DPY19L2: variants seen among roughly 807,000 people sequenced by gnomAD.
The protein encoded by DPY19L2 is dpy-19 like 2, also known as probable C-mannosyltransferase DPY19L2.
Under a neutral mutation model 97.9 loss-of-function variants are expected in DPY19L2, and 34 were observed. That is an observed-to-expected ratio of 0.35 (90% CI 0.26 to 0.46). The LOEUF is 0.46. DPY19L2 is among the 20% of genes least tolerant of loss of function. The probability of loss-of-function intolerance (pLI) is 1.00; values close to 1 mark genes in which losing one functional copy is unlikely to be tolerated. For missense variants in DPY19L2, 623 were observed against 911.4 expected (o/e 0.68, Z 4.07); for synonymous variants, 230 against 307.9 (o/e 0.75, Z 2.65).
At chr12:63,653,049 G>A (rs1187715539) in intron 4 of DPY19L2, among the ~76,000 whole-genome samples, 19 of 151,852 alleles carry the variant, frequency 1.3e-4, no homozygotes, top group Admixed American at 1.2e-3. Flanking sequence ...TGGCGCAAGA[G>A]GAGAATGGCA....
intron 6 of DPY19L2, among the ~76,000 whole-genome samples, chr12:63,631,926 A>C (rs940345809): frequency 6.6e-6 from 1 of 152,154 alleles, no homozygotes; most frequent in African/African-American, 2.4e-5. Context: ...AAATCAATAA[A>C]CATAATCCAG....
intron 18 of DPY19L2, among the ~76,000 whole-genome samples, 167 bp from the exon 19 acceptor site, chr12:63,581,003 T>C (rs1446409372): frequency 6.6e-6 from 1 of 152,192 alleles, no homozygotes; most frequent in Non-Finnish European, 1.5e-5. Context: ...ACGAATATAT[T>C]GGCATTACAG....
chr12:63,564,964 C>A (rs1176137784), intron 21 of DPY19L2, among the ~76,000 whole-genome samples: 1 of 152,156 alleles, frequency 6.6e-6, no homozygotes, highest in Non-Finnish European at 1.5e-5. Flanking sequence ...ATCCCTTCTT[C>A]ATTTAAAAAT....
At chr12:63,634,783 G>A (rs1891367325) in intron 6 of DPY19L2, among the ~76,000 whole-genome samples, 1 of 152,146 alleles carries the variant, frequency 6.6e-6, no homozygotes, top group Non-Finnish European at 1.5e-5. Context: ...AAGCAGCCAG[G>A]AAGCTCGAAC....
In DPY19L2 at chr12:63,570,809, G is replaced by A; in HGVS notation, c.1949C>T (p.Ser650Phe). Residue 650 changes from serine (S) to phenylalanine (F), a missense_variant, in exon 20 of 22, where the codon TCT becomes TTT. Coordinates refer to ENST00000324472, the MANE Select transcript of DPY19L2 (RefSeq NM_173812.5). ...AMPTMASIKL[S>F]TLHPIVNHPH... ...ATGATTCACAATGGGATGAAGTGTA[G>A]ACAGCTTGATGCTTGCCATTGTAGG... The A allele has an allele frequency of 6.2e-7, 1 of 1,611,696 alleles. No homozygotes were observed.
At chr12:63,564,978 T>C (rs1877372576) in intron 21 of DPY19L2, among the ~76,000 whole-genome samples, 1 of 152,194 alleles carries the variant, frequency 6.6e-6, no homozygotes, top group African/African-American at 2.4e-5. Flanking sequence ...TAAAAATCCT[T>C]GTTTAACCTT....
At chr12:63,597,030 TG>T (rs1436445426) in intron 14 of DPY19L2, among the ~76,000 whole-genome samples, 8 of 152,128 alleles carry the variant, frequency 5.3e-5, no homozygotes, top group Non-Finnish European at 1.2e-4. Context: ...TGGAGTGCAT[TG>T]GTGCGATCTC....
intron 4 of DPY19L2, among the ~76,000 whole-genome samples, 154 bp from the exon 5 acceptor site, chr12:63,647,519 T>C (rs1893585313): frequency 1.3e-5 from 2 of 152,078 alleles, no homozygotes; most frequent in Non-Finnish European, 2.9e-5. Flanking sequence ...GAAACCATCA[T>C]TCTTGGCAAA....
chr12:63,642,643 C>T lies in DPY19L2; in HGVS notation c.803+1760G>A, dbSNP rs558848238. Reference sequence around the variant, plus strand: ...TGTACATTTCTGCTTCTGGGCTCTACTCTATTGCAGTTATCTATTTGTCTA... The same window carrying T: ...TGTACATTTCTGCTTCTGGGCTCTATTCTATTGCAGTTATCTATTTGTCTA... On this transcript the variant is annotated intron_variant, in intron 6 of 21. Transcript: ENST00000324472. 9.9e-5 allele frequency among the ~76,000 whole-genome samples: 15 copies of T among 152,202 alleles called. No individual in the cohort carries two copies. The East Asian group carries it at 1.9e-3, about 20-fold the overall frequency.
chr12:63,640,924 G>A (rs1358783710), intron 6 of DPY19L2, among the ~76,000 whole-genome samples: 2 of 151,796 alleles, frequency 1.3e-5, no homozygotes, highest in Non-Finnish European at 2.9e-5. Context: ...ACTGAGTCTC[G>A]CTTTGTCGCC....
chr12:63,598,195 G>C (rs1225437414), intron 13 of DPY19L2, among the ~76,000 whole-genome samples: 1 of 151,968 alleles, frequency 6.6e-6, no homozygotes, highest in East Asian at 1.9e-4. Context: ...ATCAATATCT[G>C]CTGAGAATAA....
intron 21 of DPY19L2, among the ~76,000 whole-genome samples, chr12:63,561,062 C>T (rs1010608998): frequency 8.6e-5 from 13 of 152,028 alleles, no homozygotes; most frequent in African/African-American, 2.7e-4. Context: ...CATTTTTTAG[C>T]GTAAACTGCC....
At chr12:63,618,001 T>C (rs1888112483) in intron 10 of DPY19L2, 150 bp downstream of exon 10, 4 of 582,212 alleles carry the variant, frequency 6.9e-6, no homozygotes, top group Admixed American at 3.2e-5. Context: ...ATCTATAATA[T>C]ACATTTCCAG....
chr12:63,640,348 A>G (rs1892500205), intron 6 of DPY19L2, among the ~76,000 whole-genome samples: 1 of 152,184 alleles, frequency 6.6e-6, no homozygotes, highest in Non-Finnish European at 1.5e-5. Flanking sequence ...CTTAAAGTAT[A>G]ATAATAATAA....
chr12:63,634,337 A>G (rs1386394703), intron 6 of DPY19L2, among the ~76,000 whole-genome samples: 1 of 151,914 alleles, frequency 6.6e-6, no homozygotes, highest in Non-Finnish European at 1.5e-5. Flanking sequence ...AGGTTCCAAG[A>G]TGGCTGAATA....
chr12:63,617,696 A>AGTTT, intron 10 of DPY19L2, among the ~76,000 whole-genome samples: 2 of 152,106 alleles, frequency 1.3e-5, no homozygotes, highest in South Asian at 4.1e-4. Flanking sequence ...TATAAATACC[A>AGTTT]GTTTTACTAA....
intron 17 of DPY19L2, among the ~76,000 whole-genome samples, chr12:63,582,925 CT>C (rs1382021159): frequency 6.6e-6 from 1 of 152,012 alleles, no homozygotes. Context: ...GTGGGCCTCA[CT>C]GTAAAGTGAC....
At chr12:63,636,942 A>C (rs1891821705) in intron 6 of DPY19L2, among the ~76,000 whole-genome samples, 1 of 152,166 alleles carries the variant, frequency 6.6e-6, no homozygotes, top group Non-Finnish European at 1.5e-5. Flanking sequence ...GACCTAATAG[A>C]CATCTACAGA....
intron 20 of DPY19L2, 44 bp from the exon 21 acceptor site, chr12:63,569,393 T>C (rs1441078329): frequency 2.8e-6 from 4 of 1,410,444 alleles, no homozygotes; most frequent in Non-Finnish European, 3.8e-6. Flanking sequence ...AAATAAATGA[T>C]AATAGAATAG....
Sources: gnomAD v4.1 joint callset for allele counts (sites outside exome capture counted in the v4.1 genomes callset) on GRCh38, gnomAD v4.1.1 for gene constraint, MANE v1.5 for transcripts, NCBI Gene and HGNC (gene_info 2026-07-23, HGNC 2026-07-21) for gene names.